The following KCNIP4 variants were observed in gnomAD, a reference collection of about 807,000 sequenced individuals.
KCNIP4 encodes potassium voltage-gated channel interacting protein 4.
A neutral mutation model predicts 34.0 loss-of-function variants in KCNIP4; 12 were observed. That is an observed-to-expected ratio of 0.35 (90% CI 0.23 to 0.57). The LOEUF is 0.57. KCNIP4 is among the 20% of genes least tolerant of loss of function. KCNIP4 has a pLI of 0.83. For synonymous variants in KCNIP4, 124 were observed against 102.2 expected (o/e 1.21, Z -1.29); for missense variants, 238 against 311.7 (o/e 0.76, Z 1.78).
chr4:21,932,436 A>G (rs977765786), intron 1 of KCNIP4, among the ~76,000 whole-genome samples: 4 of 152,126 alleles, frequency 2.6e-5, no homozygotes, highest in African/African-American at 9.7e-5. Flanking sequence ...GATACTTGCT[A>G]TTTGTGTTAG....
intron 1 of KCNIP4, among the ~76,000 whole-genome samples, chr4:21,341,218 G>A (rs1220295624): frequency 6.6e-6 from 1 of 152,108 alleles, no homozygotes; most frequent in Non-Finnish European, 1.5e-5. Flanking sequence ...TAGCCCTGCA[G>A]ACACCTTTCT....
intron 1 of KCNIP4, among the ~76,000 whole-genome samples, chr4:20,924,540 T>C (rs776975368): frequency 4.1e-4 from 62 of 152,300 alleles, no homozygotes; most frequent in Middle Eastern, 3.4e-3. Flanking sequence ...TATCCTACAA[T>C]CTAGCACAAG....
chr4:21,356,362 A>C (rs781181769), intron 1 of KCNIP4, among the ~76,000 whole-genome samples: 33 of 152,170 alleles, frequency 2.2e-4, no homozygotes, highest in Non-Finnish European at 4.3e-4. Context: ...AATTAGGAAA[A>C]GAGGAAGTCA....
chr4:21,764,464 A>T (rs1255638261), intron 1 of KCNIP4, among the ~76,000 whole-genome samples: 1 of 152,098 alleles, frequency 6.6e-6, no homozygotes, highest in Non-Finnish European at 1.5e-5. Context: ...ACACTGGGGC[A>T]TTTGTTTTCA....
intron 1 of KCNIP4, among the ~76,000 whole-genome samples, chr4:21,120,228 C>G (rs1159480550): frequency 6.6e-6 from 1 of 152,132 alleles, no homozygotes; most frequent in African/African-American, 2.4e-5. Flanking sequence ...AAAGCTGGGC[C>G]TGTATATTAG....
intron 1 of KCNIP4, among the ~76,000 whole-genome samples, chr4:21,297,981 A>C (rs990987456): frequency 6.6e-6 from 1 of 152,130 alleles, no homozygotes; most frequent in African/African-American, 2.4e-5. Flanking sequence ...GCTACAATAA[A>C]GATATTGGAA....
At chr4:21,308,084 G>A (rs375719984) in intron 1 of KCNIP4, among the ~76,000 whole-genome samples, 11 of 152,186 alleles carry the variant, frequency 7.2e-5, no homozygotes, top group Non-Finnish European at 7.3e-5. Flanking sequence ...AAGTCGCAGC[G>A]TGGATTCAAA....
At chr4:21,401,533 TG>T (rs902738480) in intron 1 of KCNIP4, among the ~76,000 whole-genome samples, 3 of 152,196 alleles carry the variant, frequency 2.0e-5, no homozygotes, top group Non-Finnish European at 4.4e-5. Context: ...CTGCTGAACT[TG>T]GGGTAAATTG....
chr4:21,796,433 CT>C (rs1712378496), intron 1 of KCNIP4, among the ~76,000 whole-genome samples: 1 of 152,152 alleles, frequency 6.6e-6, no homozygotes, highest in South Asian at 2.1e-4. Context: ...AAGCTTGGTC[CT>C]TCTCTGTCTG....
chr4:21,762,222 A>G (rs1404140463), intron 1 of KCNIP4, among the ~76,000 whole-genome samples: 2 of 152,168 alleles, frequency 1.3e-5, no homozygotes, highest in African/African-American at 4.8e-5. Context: ...ATTCAACTCA[A>G]TATATTCAAA....
intron 1 of KCNIP4, among the ~76,000 whole-genome samples, chr4:21,343,190 T>C (rs117328908): frequency 0.025 from 3,790 of 152,230 alleles, 113 homozygotes; most frequent in Admixed American, 0.083. Context: ...TAAATAGGCT[T>C]AAATAGAAAA....
At chr4:21,377,011 T>A (rs1043794485) in intron 1 of KCNIP4, among the ~76,000 whole-genome samples, 1 of 152,220 alleles carries the variant, frequency 6.6e-6, no homozygotes, top group African/African-American at 2.4e-5. Flanking sequence ...GGAAGGCATT[T>A]TTTTTCCTTT....
chr4:21,428,123 CTGAG>C, intron 1 of KCNIP4, among the ~76,000 whole-genome samples: 1 of 152,222 alleles, frequency 6.6e-6, no homozygotes, highest in South Asian at 2.1e-4. Context: ...CTGGCAGTAT[CTGAG>C]TGGGCTTTTA....
chr4:21,580,638 T>C (rs1258200709), intron 1 of KCNIP4, among the ~76,000 whole-genome samples: 1 of 152,128 alleles, frequency 6.6e-6, no homozygotes, highest in Non-Finnish European at 1.5e-5. Context: ...AAAATGATCA[T>C]TCTCAGCATT....
intron 1 of KCNIP4, among the ~76,000 whole-genome samples, chr4:21,718,137 A>C (rs1320125322): frequency 6.9e-6 from 1 of 144,408 alleles, no homozygotes; most frequent in Non-Finnish European, 1.5e-5. Context: ...TGTCATTTGC[A>C]GTAATGATTT....
intron 1 of KCNIP4, among the ~76,000 whole-genome samples, chr4:21,047,431 A>C (rs559578352): frequency 6.6e-6 from 1 of 152,268 alleles, no homozygotes; most frequent in South Asian, 2.1e-4. Flanking sequence ...AGACATTCTG[A>C]TGAGTTTTGT....
intron 1 of KCNIP4, among the ~76,000 whole-genome samples, chr4:21,264,910 C>T (rs1204481371): frequency 6.6e-6 from 1 of 151,950 alleles, no homozygotes; most frequent in Non-Finnish European, 1.5e-5. Context: ...CCAGCCTGGC[C>T]AACATGGTGA....
chr4:21,131,755 T>A (rs1304026584), intron 1 of KCNIP4, among the ~76,000 whole-genome samples: 2 of 152,240 alleles, frequency 1.3e-5, no homozygotes, highest in African/African-American at 4.8e-5. Flanking sequence ...TAGAAATACA[T>A]CAAGCAGTAC....
intron 1 of KCNIP4, among the ~76,000 whole-genome samples, chr4:21,331,912 G>C (rs1715675515): frequency 6.6e-6 from 1 of 152,032 alleles, no homozygotes; most frequent in Non-Finnish European, 1.5e-5. Context: ...TGTGGGAAGA[G>C]ACATGATCTC....
Sources: allele counts gnomAD v4.1 joint callset (sites outside exome capture counted in the v4.1 genomes callset), GRCh38; gene constraint gnomAD v4.1.1; transcripts MANE v1.5; gene names NCBI Gene and HGNC (gene_info 2026-07-23, HGNC 2026-07-21).